TMEM135: variants seen among roughly 807,000 people sequenced by gnomAD.
TMEM135 encodes transmembrane protein 135.
Under a neutral mutation model 60.3 loss-of-function variants are expected in TMEM135, and 30 were observed. That is an observed-to-expected ratio of 0.50 (90% CI 0.37 to 0.68). TMEM135 has a LOEUF of 0.68. TMEM135 is among the 30% of genes least tolerant of loss of function. The pLI is 0.00. For synonymous variants in TMEM135, 190 were observed against 186.7 expected, an observed-to-expected ratio of 1.02 and a Z score of -0.14; for missense variants, 468 against 548.8, an observed-to-expected ratio of 0.85 and a Z score of 1.47.
chr11:87,041,324 A>G (rs1460083872), intron 1 of TMEM135, among the ~76,000 whole-genome samples: 8 of 152,048 alleles, frequency 5.3e-5, no homozygotes, highest in Non-Finnish European at 8.8e-5. Context: ...GGACAGGCTA[A>G]AGGAGCCACT....
chr11:87,309,972 G>T (rs187521783), intron 10 of TMEM135, among the ~76,000 whole-genome samples: 2 of 151,618 alleles, frequency 1.3e-5, no homozygotes, highest in African/African-American at 4.8e-5. Context: ...GAATTTTTTG[G>T]ATATTTCCAA....
At chr11:87,123,494 A>G (rs986940748) in intron 4 of TMEM135, among the ~76,000 whole-genome samples, 21 of 152,204 alleles carry the variant, frequency 1.4e-4, no homozygotes, top group African/African-American at 4.8e-4. Flanking sequence ...CTAATACAGT[A>G]TGACTTTACA....
chr11:87,074,375 T>G (rs1363963316), intron 3 of TMEM135, among the ~76,000 whole-genome samples: 4 of 152,224 alleles, frequency 2.6e-5, no homozygotes, highest in African/African-American at 9.7e-5. Context: ...TTTGTTTTTT[T>G]TGCCTGTAAG....
chr11:87,285,584 T>C (rs752083010), intron 6 of TMEM135, among the ~76,000 whole-genome samples: 19 of 152,192 alleles, frequency 1.2e-4, no homozygotes, highest in Non-Finnish European at 2.6e-4. Flanking sequence ...CCTGTTGGGT[T>C]CATGGTCTCG....
At chr11:87,252,118 T>C (rs978961253) in intron 6 of TMEM135, among the ~76,000 whole-genome samples, 2 of 152,124 alleles carry the variant, frequency 1.3e-5, no homozygotes, top group African/African-American at 4.8e-5. Flanking sequence ...GGTTTTTCTT[T>C]TCTTTCTTGT....
chr11:87,233,584 T>C (rs550664194), intron 5 of TMEM135, among the ~76,000 whole-genome samples: 73 of 152,264 alleles, frequency 4.8e-4, no homozygotes, highest in African/African-American at 1.7e-3. Flanking sequence ...ACTTTAAATA[T>C]GTACAATTTA....
At chr11:87,244,115 G>A (rs1453491752) in intron 6 of TMEM135, among the ~76,000 whole-genome samples, 4 of 76,164 alleles carry the variant, frequency 5.3e-5, no homozygotes, top group African/African-American at 2.1e-4. Context: ...TAATCATGTG[G>A]TTTTTGTCTT....
chr11:87,159,436 A>G, intron 5 of TMEM135, among the ~76,000 whole-genome samples: 1 of 152,138 alleles, frequency 6.6e-6, no homozygotes, highest in East Asian at 1.9e-4. Flanking sequence ...GGTTGATAAA[A>G]TAATATTTTG....
chr11:87,078,577 TGAA>T (rs1378694922), intron 3 of TMEM135, among the ~76,000 whole-genome samples: 2 of 152,170 alleles, frequency 1.3e-5, no homozygotes, highest in Admixed American at 1.3e-4. Context: ...TTAATTTTGA[TGAA>T]GAAGTCCAAG....
chr11:87,231,316 T>C (rs1940884883), intron 5 of TMEM135, among the ~76,000 whole-genome samples: 2 of 152,152 alleles, frequency 1.3e-5, no homozygotes, highest in Non-Finnish European at 1.5e-5. Flanking sequence ...TAGAGGTTTT[T>C]AATTGAGTAG....
chr11:87,168,708 G>T (rs561386658), intron 5 of TMEM135, among the ~76,000 whole-genome samples: 42 of 152,232 alleles, frequency 2.8e-4, no homozygotes, highest in African/African-American at 9.6e-4. Flanking sequence ...ATTTGCTGAG[G>T]AGTGTTTTAC....
intron 5 of TMEM135, among the ~76,000 whole-genome samples, chr11:87,216,424 C>G (rs987313344): frequency 2.0e-5 from 3 of 151,930 alleles, no homozygotes; most frequent in Non-Finnish European, 4.4e-5. Flanking sequence ...TGTTGTTTGA[C>G]TATGTGTTGA....
chr11:87,092,369 C>A (rs1294803436), intron 4 of TMEM135, among the ~76,000 whole-genome samples: 1 of 151,964 alleles, frequency 6.6e-6, no homozygotes. Context: ...GGGTGTAACC[C>A]CTTTTGAGTC....
At chr11:87,302,221 T>C in intron 7 of TMEM135, 75 bp from the exon 8 acceptor site, 2 of 1,493,880 alleles carry the variant, frequency 1.3e-6, no homozygotes, top group Non-Finnish European at 1.8e-6. Context: ...TATTTGTTTA[T>C]AAACAAAGTC....
At chr11:87,259,077 G>GA in intron 6 of TMEM135, 1 of 1,221,188 alleles carries the variant, frequency 8.2e-7, no homozygotes, top group Non-Finnish European at 1.2e-6. Context: ...GGGAGAGAAA[G>GA]AAGAGGTTCT....
At chr11:87,113,854 A>C (rs1045542032) in intron 4 of TMEM135, among the ~76,000 whole-genome samples, 5 of 152,108 alleles carry the variant, frequency 3.3e-5, no homozygotes, top group African/African-American at 7.2e-5. Context: ...TATAGGGATC[A>C]TCACAATATG....
chr11:87,070,731 C>T (rs1168071779), intron 2 of TMEM135, among the ~76,000 whole-genome samples: 2 of 152,050 alleles, frequency 1.3e-5, no homozygotes, highest in African/African-American at 4.8e-5. Flanking sequence ...TGTGAGGATT[C>T]CTACTTTCAA....
At chr11:87,071,725 T>C in intron 3 of TMEM135, 110 bp downstream of exon 3, 1 of 672,550 alleles carries the variant, frequency 1.5e-6, no homozygotes, top group Non-Finnish European at 2.4e-6. Context: ...TTTCTAGATA[T>C]ATTTTTTCGG....
intron 1 of TMEM135, among the ~76,000 whole-genome samples, chr11:87,066,779 C>CTTTTTTTTTTTTTTTTTTTTT: frequency 7.7e-6 from 1 of 129,178 alleles, no homozygotes; most frequent in African/African-American, 3.0e-5. Context: ...TTACTAGATT[C>CTTTTTTTTTTTTTTTTTTTTT]TTTCTTTTTT....
Sources: allele counts gnomAD v4.1 joint callset (sites outside exome capture counted in the v4.1 genomes callset), GRCh38; gene constraint gnomAD v4.1.1; transcripts MANE v1.5; gene names NCBI Gene and HGNC (gene_info 2026-07-23, HGNC 2026-07-21).